Variants in CSMD1 observed in about 807,000 individuals in gnomAD.
The protein encoded by CSMD1 is CUB and Sushi multiple domains 1.
CSMD1 carries 213 observed loss-of-function variants against 417.5 expected under a neutral mutation model. The ratio of observed to expected loss-of-function variants is 0.51; its 90% CI spans 0.46 to 0.57. The LOEUF (loss-of-function observed/expected upper bound fraction) is 0.57, where lower values mean the gene tolerates loss of function less well. Among genes scored for constraint, CSMD1 ranks in the 20% least tolerant of loss-of-function variants. The pLI is 0.00. For synonymous variants in CSMD1, 2,862 were observed against 1,736.8 expected, an observed-to-expected ratio of 1.65 and a Z score of -16.11; for missense variants, 6,923 against 4,529.7, an observed-to-expected ratio of 1.53 and a Z score of -15.17.
intron 1 of CSMD1, among the ~76,000 whole-genome samples, chr8:4,704,895 G>A (rs1010049619): frequency 5.3e-5 from 8 of 152,124 alleles, no homozygotes; most frequent in Non-Finnish European, 1.0e-4. Context: ...AAAGAAAACT[G>A]CTTAATTTTG....
chr8:4,910,452 C>A (rs138564617), intron 1 of CSMD1, among the ~76,000 whole-genome samples: 3 of 152,132 alleles, frequency 2.0e-5, no homozygotes, highest in Admixed American at 6.5e-5. Context: ...AAGTTATTAG[C>A]GGGTTTGTCC....
In CSMD1 at chr8:3,142,578, T is replaced by C. The variant is rs977376715; in HGVS notation, c.6128A>G (p.Gln2043Arg). The change falls in exon 41 of 70, where the codon CAA becomes CGA. Residue 2043 changes from glutamine (Q) to arginine (R), a missense_variant. Gln to Arg is a conservative substitution (Grantham distance 43, BLOSUM62 1). Transcript: ENST00000635120. ...CGCGGGGAGATCCGTGCCGCTAAAT[T>C]GTCCAATCATGGGGCTGGTGTGGTA... is the stretch of plus-strand genomic sequence containing the variant. ...GPYHTSPMIG[Q>R]FSGTDLPAAL... The C allele has an allele frequency of 6.2e-7, 1 of 1,613,878 alleles. No individual in the cohort carries two copies. The highest frequency in any genetic ancestry group is 1.3e-5 in the African/African-American group (1 of 74,940).
At chr8:3,618,300 C>T (rs891882220) in intron 7 of CSMD1, among the ~76,000 whole-genome samples, 1 of 152,138 alleles carries the variant, frequency 6.6e-6, no homozygotes, top group Non-Finnish European at 1.5e-5. Flanking sequence ...CAACCACACC[C>T]AGTCAAAATT....
chr8:4,930,318 C>G (rs1807161082), intron 1 of CSMD1, among the ~76,000 whole-genome samples: 1 of 152,082 alleles, frequency 6.6e-6, no homozygotes. Flanking sequence ...GATATTAACA[C>G]CAATTCTGAA....
At chr8:3,650,753 A>T (rs1408908985) in intron 7 of CSMD1, among the ~76,000 whole-genome samples, 1 of 152,214 alleles carries the variant, frequency 6.6e-6, no homozygotes, top group African/African-American at 2.4e-5. Context: ...AGCATTTCTA[A>T]TGCAAAAATG....
rs541729223 is a variant in CSMD1, at chr8:4,144,994, T to G, written c.416-112895A>C. 6.0e-5 allele frequency among the ~76,000 whole-genome samples: 9 copies of G among 151,228 alleles called. 1 individual carries two copies. The highest frequency in any genetic ancestry group is 2.2e-4 in the African/African-American group (9 of 40,550). On this transcript the variant is annotated intron_variant, in intron 3 of 69. Transcript: ENST00000635120. ...AGGATAGCATTTGTTTCATAAAACG[T>G]TCTCTACTTTATATAAATAATAATT... is the stretch of plus-strand genomic sequence containing the variant.
chr8:3,006,110 C>T (rs1199370890), intron 52 of CSMD1, among the ~76,000 whole-genome samples: 1 of 150,780 alleles, frequency 6.6e-6, no homozygotes, highest in Non-Finnish European at 1.5e-5. Context: ...AAATCACAAG[C>T]ATTCTTATAC....
At chr8:4,386,050 C>G (rs1803427673) in intron 3 of CSMD1, among the ~76,000 whole-genome samples, 1 of 152,156 alleles carries the variant, frequency 6.6e-6, no homozygotes. Flanking sequence ...CTGTGCCATC[C>G]TGTCTTCTCT....
chr8:4,948,512 G>T (rs945089641), intron 1 of CSMD1, among the ~76,000 whole-genome samples: 1 of 151,876 alleles, frequency 6.6e-6, no homozygotes, highest in African/African-American at 2.4e-5. Flanking sequence ...CTTCATTAAA[G>T]TTTCATAATC....
chr8:4,005,913 T>C (rs1212580163), intron 4 of CSMD1, among the ~76,000 whole-genome samples: 1 of 152,210 alleles, frequency 6.6e-6, no homozygotes, highest in African/African-American at 2.4e-5. Flanking sequence ...GCTTAGAAGT[T>C]GACTTTGCAG....
chr8:4,125,550 T>C (rs1802715054), intron 3 of CSMD1, among the ~76,000 whole-genome samples: 1 of 152,180 alleles, frequency 6.6e-6, no homozygotes, highest in Admixed American at 6.5e-5. Flanking sequence ...CTCAACTTTG[T>C]TAAAAATAAA....
intron 3 of CSMD1, among the ~76,000 whole-genome samples, chr8:4,075,525 T>C (rs2130793746): frequency 6.6e-6 from 1 of 152,302 alleles, no homozygotes; most frequent in Middle Eastern, 3.4e-3. Context: ...TAACTAAAAA[T>C]GTCAGATATC....
chr8:3,931,651 C>T (rs1410723878), intron 5 of CSMD1, among the ~76,000 whole-genome samples: 1 of 149,458 alleles, frequency 6.7e-6, no homozygotes, highest in Admixed American at 6.7e-5. Context: ...TGTCTTTTCA[C>T]CTTGTATAGT....
intron 10 of CSMD1, among the ~76,000 whole-genome samples, chr8:3,538,123 G>A (rs528802777): frequency 6.6e-6 from 1 of 152,188 alleles, no homozygotes; most frequent in Non-Finnish European, 1.5e-5. Context: ...TAAACCAAAC[G>A]ATTGCACATG....
At chr8:4,187,618 G>C (rs1170998206) in intron 3 of CSMD1, among the ~76,000 whole-genome samples, 3 of 142,382 alleles carry the variant, frequency 2.1e-5, no homozygotes, top group African/African-American at 7.7e-5. Flanking sequence ...GGAGGTTGCA[G>C]TGAGCCGAGA....
intron 10 of CSMD1, among the ~76,000 whole-genome samples, chr8:3,563,123 T>C (rs1392599126): frequency 2.6e-5 from 4 of 152,048 alleles, no homozygotes; most frequent in Admixed American, 6.6e-5. Flanking sequence ...TTTTCAAGAA[T>C]TTATTTCTTC....
chr8:3,918,014 C>A (rs1808944564), intron 5 of CSMD1, among the ~76,000 whole-genome samples: 2 of 152,194 alleles, frequency 1.3e-5, no homozygotes, highest in South Asian at 4.2e-4. Flanking sequence ...CATGCTGTTG[C>A]AAATGGCACA....
intron 3 of CSMD1, among the ~76,000 whole-genome samples, chr8:4,171,293 C>A (rs1304510944): frequency 1.3e-5 from 2 of 151,916 alleles, no homozygotes; most frequent in Non-Finnish European, 2.9e-5. Flanking sequence ...TTATTGTAAG[C>A]AACCCTACGC....
chr8:4,909,502 A>C (rs918233422), intron 1 of CSMD1, among the ~76,000 whole-genome samples: 1 of 152,136 alleles, frequency 6.6e-6, no homozygotes, highest in African/African-American at 2.4e-5. Flanking sequence ...ATTTTTCCCT[A>C]AAGAGAAAGC....
Sources: allele counts gnomAD v4.1 joint callset (sites outside exome capture counted in the v4.1 genomes callset), GRCh38; gene constraint gnomAD v4.1.1; transcripts MANE v1.5; gene names NCBI Gene and HGNC (gene_info 2026-07-23, HGNC 2026-07-21).